The following LRCH1 variants were observed in gnomAD, a reference collection of about 807,000 sequenced individuals.
LRCH1 encodes leucine-rich repeat and calponin homology domain-containing protein 1.
A neutral mutation model predicts 94.9 loss-of-function variants in LRCH1; 23 were observed. That is an observed-to-expected ratio of 0.24 (90% CI 0.17 to 0.34). The LOEUF (loss-of-function observed/expected upper bound fraction) is 0.34. Ranked by LOEUF, LRCH1 falls within the 10% of genes least tolerant of loss-of-function variation. The pLI, the probability that LRCH1 is intolerant of heterozygous loss-of-function variation, is 1.00. For missense variants in LRCH1, 790 were observed against 945.9 expected (o/e 0.84, Z 2.16); for synonymous variants, 364 against 354.9 (o/e 1.03, Z -0.29).
chr13:46,615,209 C>A (rs564822269), intron 1 of LRCH1, among the ~76,000 whole-genome samples: 3 of 152,282 alleles, frequency 2.0e-5, no homozygotes, highest in African/African-American at 7.2e-5. Context: ...GCAGGCTCTG[C>A]AAGCATGGCA....
chr13:46,553,295 G>T lies in LRCH1; in HGVS notation c.-102G>T. The T allele has an allele frequency of 1.1e-6, 1 of 927,248 alleles. No homozygotes were observed. Among genetic ancestry groups the T allele is most frequent in the South Asian group, 1.6e-5 (1 of 60,946 alleles). The allele number at this position is 927,248 out of a possible 1,614,324, so 57.4% of individuals were successfully genotyped here. A position where few individuals can be genotyped will look rare whatever the true frequency, so the allele number is the denominator to read the frequency against. On this transcript the variant is annotated 5_prime_UTR_variant, in exon 1 of 20. Transcript: ENST00000389797. The stretch of plus-strand genomic sequence containing the variant: ...CCCCTCCTTCCAGCGCCTTTCGGTG[G>T]AGCACTGCGGCACTCAGCCCGAGCT...
chr13:46,601,588 T>C (rs938424362), intron 1 of LRCH1, among the ~76,000 whole-genome samples: 1 of 152,218 alleles, frequency 6.6e-6, no homozygotes, highest in Non-Finnish European at 1.5e-5. Context: ...TTCATCAAAT[T>C]CTTTTAAATC....
rs1210317064 is a variant in LRCH1, at chr13:46,716,516, GA to G, written c.1759+853del. Among the ~76,000 whole-genome samples the G allele has an allele frequency of 2.0e-5, 3 of 152,198 alleles. No individual in the cohort carries two copies. The East Asian group carries it at 5.8e-4, about 29-fold the overall frequency. On this transcript the variant is annotated intron_variant, in intron 16 of 19. Coordinates refer to ENST00000389797, the MANE Select transcript of LRCH1 (RefSeq NM_001164211.2). ...AACAGAGAATGTGATTTATAGGGAA[GA>G]GTAGTGAGGTACAGGGTATAGCCAC...
intron 1 of LRCH1, among the ~76,000 whole-genome samples, chr13:46,585,300 G>A (rs2050418525): frequency 6.6e-6 from 1 of 152,124 alleles, no homozygotes; most frequent in African/African-American, 2.4e-5. Flanking sequence ...TTCTAGAGCC[G>A]GGCGTGGTGG....
chr13:46,715,625 T>C lies in LRCH1; in HGVS notation c.1720T>C (p.Ser574Pro), dbSNP rs1411454286. 6.5e-7 allele frequency: 1 copy of C among 1,536,976 alleles called. No individual in the cohort carries two copies. Among genetic ancestry groups the C allele is most frequent in the Non-Finnish European group, 8.7e-7 (1 of 1,146,770 alleles). Residue 574 changes from serine to proline, a missense_variant, in exon 16 of 20, where the codon TCT becomes CCT. Transcript: ENST00000389797. ...TLTQAQTWDS[S>P]SYSVPSEGDS... ...TACACAGGCACAGACATGGGACAGCTCTAGCTACAGTGTTCCATCTGAAGG... is the reference window on the plus strand; with the variant it reads ...TACACAGGCACAGACATGGGACAGCCCTAGCTACAGTGTTCCATCTGAAGG...
At chr13:46,668,834 T>TA (rs3832914) in intron 2 of LRCH1, among the ~76,000 whole-genome samples, 196 bp from the exon 3 acceptor site, 89,412 of 150,530 alleles carry the variant, frequency 0.59, 27,673 homozygotes, top group Middle Eastern at 0.71. Flanking sequence ...TATTTTTTTT[T>TA]AAAAAAAGAA....
chr13:46,650,349 G>A lies in LRCH1; in HGVS notation c.452+4G>A. 1.3e-6 allele frequency: 2 copies of A among 1,566,152 alleles called. No individual in the cohort carries two copies. The highest frequency in any genetic ancestry group is 8.6e-7 in the Non-Finnish European group (1 of 1,156,858). On this transcript the variant is annotated splice_donor_region_variant and intron_variant, in intron 2 of 19. Transcript: ENST00000389797. ...TGCTGACTTACCTGAACTTGAGGTA[G>A]GTTAAACATAAAAGTTGTAATCAAA...
intron 1 of LRCH1, among the ~76,000 whole-genome samples, chr13:46,617,925 A>G (rs1313026096): frequency 6.6e-6 from 1 of 152,194 alleles, no homozygotes; most frequent in Non-Finnish European, 1.5e-5. Flanking sequence ...AGGTATTACT[A>G]GATACTAGGA....
At position 46,668,206 on chromosome 13, in the gene LRCH1, C is replaced by T. The variant is rs368662574; in HGVS notation, c.453-824C>T. On this transcript the variant is annotated intron_variant, in intron 2 of 19. Transcript: ENST00000389797. ...GGCTGACATATAAATAAGGATGGTT[C>T]GTAGATTTTATTTATCTAGTATTTT... Among the ~76,000 whole-genome samples the T allele has an allele frequency of 1.1e-4, 16 of 151,844 alleles. No individual in the cohort carries two copies. In the South Asian group the frequency reaches 2.1e-3, roughly 20 times the overall value.
At chr13:46,700,125 A>G (rs1321377679) in intron 10 of LRCH1, among the ~76,000 whole-genome samples, 1 of 152,222 alleles carries the variant, frequency 6.6e-6, no homozygotes, top group Non-Finnish European at 1.5e-5. Flanking sequence ...CAGACAATGA[A>G]TCATGTCCAG....
intron 3 of LRCH1, among the ~76,000 whole-genome samples, chr13:46,670,667 C>T (rs1239515032): frequency 9.4e-6 from 1 of 105,978 alleles, no homozygotes. Context: ...CCCCCCAACC[C>T]TGTCCCCAAA....
At chr13:46,738,826 T>C (rs1192726720) in intron 19 of LRCH1, among the ~76,000 whole-genome samples, 1 of 152,238 alleles carries the variant, frequency 6.6e-6, no homozygotes, top group East Asian at 1.9e-4. Context: ...TTTCTAGCTA[T>C]AAAGAATGCA....
At chr13:46,629,451 G>T (rs370957343) in intron 1 of LRCH1, among the ~76,000 whole-genome samples, 1 of 152,152 alleles carries the variant, frequency 6.6e-6, no homozygotes, top group Non-Finnish European at 1.5e-5. Context: ...TTCATGAAAG[G>T]CTTGAAAAGA....
At chr13:46,627,805 A>G (rs1377844456) in intron 1 of LRCH1, among the ~76,000 whole-genome samples, 1 of 152,004 alleles carries the variant, frequency 6.6e-6, no homozygotes, top group Non-Finnish European at 1.5e-5. Flanking sequence ...TTTTCTTTTT[A>G]TTTATACTTT....
At chr13:46,595,008 C>T (rs1001962531) in intron 1 of LRCH1, among the ~76,000 whole-genome samples, 3 of 152,056 alleles carry the variant, frequency 2.0e-5, no homozygotes, top group Non-Finnish European at 4.4e-5. Context: ...CTTTCAGGCT[C>T]TGGGTGTTCT....
chr13:46,669,672 A>G (rs900321431), intron 3 of LRCH1, among the ~76,000 whole-genome samples: 9 of 152,200 alleles, frequency 5.9e-5, no homozygotes, highest in African/African-American at 1.9e-4. Context: ...ATGAGCAGAG[A>G]TGGATTACAA....
At chr13:46,659,345 A>C (rs990201091) in intron 2 of LRCH1, among the ~76,000 whole-genome samples, 21 of 152,076 alleles carry the variant, frequency 1.4e-4, no homozygotes, top group African/African-American at 5.1e-4. Flanking sequence ...GGCTCCCGCC[A>C]CCATGCCCGG....
chr13:46,615,732 G>A (rs2050800239), intron 1 of LRCH1, among the ~76,000 whole-genome samples: 1 of 152,180 alleles, frequency 6.6e-6, no homozygotes, highest in Non-Finnish European at 1.5e-5. Flanking sequence ...AAGATTGGAT[G>A]TTTTTCAGTT....
At chr13:46,597,805 A>AT (rs113204301) in intron 1 of LRCH1, among the ~76,000 whole-genome samples, 122,762 of 150,576 alleles carry the variant, frequency 0.82, 50,051 homozygotes, top group East Asian at 0.91. Flanking sequence ...CAAATAAGCC[A>AT]TTTTTTTTTT....
Sources: gnomAD v4.1 joint callset for allele counts (sites outside exome capture counted in the v4.1 genomes callset) on GRCh38, gnomAD v4.1.1 for gene constraint, MANE v1.5 for transcripts, NCBI Gene and HGNC (gene_info 2026-07-23, HGNC 2026-07-21) for gene names.